Variants in HS2ST1 observed in about 807,000 individuals in gnomAD.
HS2ST1 encodes 2-O-sulfotransferase.
Under a neutral mutation model 42.9 loss-of-function variants are expected in HS2ST1, and 18 were observed. The observed-to-expected ratio is 0.42, with a 90% confidence interval of 0.29 to 0.62. HS2ST1 has a LOEUF of 0.62. HS2ST1 is among the 20% of genes least tolerant of loss of function. The probability of loss-of-function intolerance (pLI) is 0.21; values close to 1 mark genes in which losing one functional copy is unlikely to be tolerated. For synonymous variants in HS2ST1, 146 were observed against 152.9 expected, an observed-to-expected ratio of 0.95 and a Z score of 0.33; for missense variants, 334 against 433.8, an observed-to-expected ratio of 0.77 and a Z score of 2.04.
chr1:86,998,303 C>A (rs967382309), intron 1 of HS2ST1, among the ~76,000 whole-genome samples: 1 of 152,192 alleles, frequency 6.6e-6, no homozygotes, highest in South Asian at 2.1e-4. Context: ...CAGGAACATA[C>A]AGCATTCAGG....
chr1:87,038,286 C>G (rs566692829), intron 1 of HS2ST1, among the ~76,000 whole-genome samples: 1 of 152,116 alleles, frequency 6.6e-6, no homozygotes, highest in African/African-American at 2.4e-5. Flanking sequence ...TCTATCACTA[C>G]CACTGAAATA....
At chr1:87,052,702 G>A (rs1223474681) in intron 1 of HS2ST1, among the ~76,000 whole-genome samples, 1 of 152,110 alleles carries the variant, frequency 6.6e-6, no homozygotes, top group African/African-American at 2.4e-5. Context: ...AAAGGGTAAT[G>A]GATGTGATGA....
chr1:86,918,875 C>T (rs1403198801), intron 1 of HS2ST1, among the ~76,000 whole-genome samples: 1 of 149,890 alleles, frequency 6.7e-6, no homozygotes, highest in Non-Finnish European at 1.5e-5. Context: ...TTACTTTTTT[C>T]TATTTTTCTA....
intron 1 of HS2ST1, among the ~76,000 whole-genome samples, chr1:87,023,906 A>G (rs948781140): frequency 3.0e-4 from 45 of 152,276 alleles, no homozygotes; most frequent in African/African-American, 1.1e-3. Flanking sequence ...GGACATATCC[A>G]TAGTAGAAAA....
chr1:86,921,744 A>G (rs1660305143), intron 1 of HS2ST1, among the ~76,000 whole-genome samples: 1 of 152,142 alleles, frequency 6.6e-6, no homozygotes, highest in Non-Finnish European at 1.5e-5. Flanking sequence ...GAAGAAATAC[A>G]TTTCTGTTTT....
chr1:86,941,494 G>A (rs995927951), intron 1 of HS2ST1, among the ~76,000 whole-genome samples: 5 of 151,872 alleles, frequency 3.3e-5, no homozygotes, highest in South Asian at 2.1e-4. Flanking sequence ...AATTACAGCC[G>A]GGCACCGTGG....
intron 1 of HS2ST1, among the ~76,000 whole-genome samples, chr1:86,972,985 A>G (rs979358818): frequency 6.6e-6 from 1 of 152,208 alleles, no homozygotes; most frequent in African/African-American, 2.4e-5. Flanking sequence ...ATTTGACAAC[A>G]ATATCACAGA....
intron 1 of HS2ST1, among the ~76,000 whole-genome samples, chr1:87,050,729 T>C (rs951788742): frequency 6.6e-6 from 1 of 152,138 alleles, no homozygotes; most frequent in Non-Finnish European, 1.5e-5. Flanking sequence ...AATGTAACTT[T>C]CCATGTGATT....
chr1:86,945,503 G>A (rs527959558), intron 1 of HS2ST1, among the ~76,000 whole-genome samples: 8 of 152,282 alleles, frequency 5.3e-5, no homozygotes, highest in Admixed American at 2.0e-4. Flanking sequence ...AAGACTCATG[G>A]AGCTAATAAA....
At chr1:86,966,447 A>T (rs1176204633) in intron 1 of HS2ST1, among the ~76,000 whole-genome samples, 1 of 152,190 alleles carries the variant, frequency 6.6e-6, no homozygotes, top group Non-Finnish European at 1.5e-5. Flanking sequence ...TGGAGTCTCT[A>T]ATTTTATGGA....
At chr1:87,071,743 A>G (rs1651412059) in intron 1 of HS2ST1, among the ~76,000 whole-genome samples, 1 of 151,822 alleles carries the variant, frequency 6.6e-6, no homozygotes, top group Non-Finnish European at 1.5e-5. Context: ...AAAAAAAAAA[A>G]AAAGATGATT....
intron 1 of HS2ST1, among the ~76,000 whole-genome samples, chr1:87,001,802 C>G (rs544760251): frequency 1.3e-5 from 2 of 151,774 alleles, no homozygotes; most frequent in Non-Finnish European, 2.9e-5. Flanking sequence ...TAGTAGAGAC[C>G]AGGTTTCTCC....
At position 87,020,602 on chromosome 1, in the gene HS2ST1, A is replaced by G. The variant is rs12087294; in HGVS notation, c.125-52332A>G. On this transcript the variant is annotated intron_variant, in intron 1 of 6. Transcript: ENST00000370550. ...GCCATAACAAAGTATGACAGACTGG[A>G]TGGCTTAAACATCTGACAGTTTTGG... Among the ~76,000 whole-genome samples the G allele has an allele frequency of 8.1e-3, 1,227 of 152,244 alleles. 24 individuals are homozygous for G. Among genetic ancestry groups the G allele is most frequent in the African/African-American group, 0.029 (1,192 of 41,536 alleles).
At chr1:87,094,594 A>G (rs969808584) in intron 4 of HS2ST1, among the ~76,000 whole-genome samples, 2 of 152,116 alleles carry the variant, frequency 1.3e-5, no homozygotes, top group Admixed American at 1.3e-4. Flanking sequence ...GAGCCCATAC[A>G]TCTTACATCC....
chr1:87,088,395 A>C (rs1180836818), intron 3 of HS2ST1, among the ~76,000 whole-genome samples: 1 of 152,082 alleles, frequency 6.6e-6, no homozygotes, highest in Non-Finnish European at 1.5e-5. Context: ...TTTGATGCAC[A>C]TATCAGTAGT....
At chr1:86,966,772 T>C (rs1648060369) in intron 1 of HS2ST1, among the ~76,000 whole-genome samples, 1 of 152,212 alleles carries the variant, frequency 6.6e-6, no homozygotes, top group Admixed American at 6.5e-5. Context: ...ATGCTTTTTG[T>C]TTGTTAATTA....
At position 87,106,051 on chromosome 1, in the gene HS2ST1, T is replaced by C. The variant is rs1165649965; in HGVS notation, c.*1355T>C. ...GGGCTGTTGTGAGGATTAAATGAGA[T>C]GGCATGTGAAAGCACTTTGAAAATT... On this transcript the variant is annotated 3_prime_UTR_variant, in exon 7 of 7. Coordinates refer to ENST00000370550, the MANE Select transcript of HS2ST1 (RefSeq NM_012262.4). 1 of 152,472 alleles carries C rather than the reference T, an allele frequency of 6.6e-6. No individual in the cohort carries two copies. The highest frequency in any genetic ancestry group is 1.5e-5 in the Non-Finnish European group (1 of 67,942). 9.4% of individuals were successfully genotyped at this position (152,472 alleles called of 1,614,324 possible). A position where few individuals can be genotyped will look rare whatever the true frequency, so the allele number is the denominator to read the frequency against.
chr1:87,038,977 G>A (rs1650452886), intron 1 of HS2ST1, among the ~76,000 whole-genome samples: 1 of 151,992 alleles, frequency 6.6e-6, no homozygotes, highest in Admixed American at 6.6e-5. Flanking sequence ...CAATTGAAAA[G>A]TATTTTTAAA....
At chr1:87,101,156 GTT>G (rs1162453464) in intron 5 of HS2ST1, among the ~76,000 whole-genome samples, 3 of 91,100 alleles carry the variant, frequency 3.3e-5, no homozygotes, top group African/African-American at 9.0e-5. Flanking sequence ...TGTGTTTTTT[GTT>G]TTTTTTTTTT....
Sources: allele counts gnomAD v4.1 joint callset (sites outside exome capture counted in the v4.1 genomes callset), GRCh38; gene constraint gnomAD v4.1.1; transcripts MANE v1.5; gene names NCBI Gene and HGNC (gene_info 2026-07-23, HGNC 2026-07-21).